The following ZC3H14 variants were observed in gnomAD, a reference collection of about 807,000 sequenced individuals.
The protein encoded by ZC3H14 is zinc finger CCCH domain-containing protein 14.
Under a neutral mutation model 92.4 loss-of-function variants are expected in ZC3H14, and 31 were observed. The observed-to-expected ratio is 0.34, with a 90% CI of 0.25 to 0.45. The LOEUF (loss-of-function observed/expected upper bound fraction) is 0.45, where lower values mean the gene tolerates loss of function less well. ZC3H14 is among the 20% of genes least tolerant of loss of function. ZC3H14 has a pLI of 1.00. For missense variants in ZC3H14, 781 were observed against 897.3 expected, an observed-to-expected ratio of 0.87 and a Z score of 1.66; for synonymous variants, 321 against 300.9, an observed-to-expected ratio of 1.07 and a Z score of -0.69.
chr14:88,579,766 C>T (rs2081645239), intron 9 of ZC3H14, among the ~76,000 whole-genome samples: 2 of 152,128 alleles, frequency 1.3e-5, no homozygotes, highest in South Asian at 4.2e-4. Context: ...AAGTCCTGTG[C>T]CGAATTAAAA....
At position 88,615,603 on chromosome 14, in the gene ZC3H14, T is replaced by C; in HGVS notation, c.*3852T>C. 2.1e-6 allele frequency: 1 copy of C among 484,144 alleles called. No individual in the cohort carries two copies. The allele number at this position is 484,144 out of a possible 1,614,324, so 30.0% of individuals were successfully genotyped here. On this transcript the variant is annotated 3_prime_UTR_variant, in exon 17 of 17. Coordinates refer to ENST00000251038, the MANE Select transcript of ZC3H14 (RefSeq NM_024824.5). The stretch of plus-strand genomic sequence containing the variant: ...TCAAGTATTCGATCCTTCCTTGAAA[T>C]GGCATTATCTGGCAGTGTATGGATT...
intron 9 of ZC3H14, among the ~76,000 whole-genome samples, chr14:88,595,300 C>T (rs2083662242): frequency 6.6e-6 from 1 of 152,168 alleles, no homozygotes; most frequent in East Asian, 1.9e-4. Flanking sequence ...AGAATTCCAT[C>T]CTCTTTAATG....
intron 13 of ZC3H14, 120 bp from the exon 14 acceptor site, chr14:88,609,144 TTGC>T (rs898522949): frequency 2.6e-5 from 30 of 1,145,748 alleles, no homozygotes; most frequent in Non-Finnish European, 3.7e-5. Flanking sequence ...ATTCTTTTTG[TTGC>T]TGTTTTTTTT....
intron 6 of ZC3H14, chr14:88,574,371 G>T (rs1043708373): frequency 3.0e-6 from 1 of 331,700 alleles, no homozygotes; most frequent in African/African-American, 2.2e-5. Flanking sequence ...TCAGCCTCCC[G>T]AGTAGCTCGG....
Position 88,574,705 on chromosome 14 carries a change from C to G in ZC3H14, c.874C>G (p.Arg292Gly), listed in dbSNP as rs764833850. 6.2e-6 allele frequency: 10 copies of G among 1,613,684 alleles called. No homozygotes were observed. Among genetic ancestry groups the G allele is most frequent in the Non-Finnish European group, 8.5e-6 (10 of 1,179,930 alleles). ...EKMSMEDENF[R>G]KRKLPVVSSV... Reference sequence around the variant, plus strand: ...TATCTGATTGCAGGATGAAAACTTTCGGAAGAGAAAGTTGCCTGTGGTAAG... The same window carrying G: ...TATCTGATTGCAGGATGAAAACTTTGGGAAGAGAAAGTTGCCTGTGGTAAG... The change falls in exon 7 of 17, where the codon CGG (arginine) becomes GGG (glycine). Residue 292 changes from arginine to glycine, a missense_variant. Transcript: ENST00000251038.
rs1491157868 is a variant in ZC3H14, at chr14:88,566,029, C to CCG, written c.80-2009_80-2008insGC. On this transcript the variant is annotated intron_variant, in intron 2 of 16. Transcript: ENST00000251038. Reference sequence around the variant, plus strand: ...ATTACAGGCACCTGCCACCACCCCGCCCCCCCCCCCCGGCTAATTTTTGTG... The same window carrying CCG: ...ATTACAGGCACCTGCCACCACCCCGCCGCCCCCCCCCCCGGCTAATTTTTGTG... Among the ~76,000 whole-genome samples, 66 of 16,582 alleles carry CCG rather than the reference C, an allele frequency of 4.0e-3. 22 individuals are homozygous for CCG. The highest frequency in any genetic ancestry group is 0.018 in the Non-Finnish European group (45 of 2,456). 10.9% of individuals were successfully genotyped at this position (16,582 alleles called of 152,430 possible). A position where few individuals can be genotyped will look rare whatever the true frequency, so the allele number is the denominator to read the frequency against.
chr14:88,620,815 C>G lies in ZC3H14; in HGVS notation c.*9064C>G. On this transcript the variant is annotated 3_prime_UTR_variant, in exon 17 of 17. Transcript: ENST00000251038. This position sits in a 1 kb window ranked among gnomAD's most constrained non-coding sequence, Gnocchi z 4.3. ...TTTCCCCATATTTTTAGAGAACTCA[C>G]TAGTAAAATGATAAATTCTCCATTT... 6.2e-7 allele frequency: 1 copy of G among 1,608,980 alleles called. No individual in the cohort carries two copies. Among genetic ancestry groups the G allele is most frequent in the Middle Eastern group, 1.7e-4 (1 of 6,044 alleles).
At chr14:88,605,790 C>T (rs2085302483) in intron 12 of ZC3H14, among the ~76,000 whole-genome samples, 1 of 152,196 alleles carries the variant, frequency 6.6e-6, no homozygotes, top group Admixed American at 6.5e-5. Flanking sequence ...ATGTGGGTCA[C>T]TGGAACAGTA....
chr14:88,582,520 G>A (rs2082018280), intron 9 of ZC3H14, among the ~76,000 whole-genome samples: 1 of 152,204 alleles, frequency 6.6e-6, no homozygotes, highest in African/African-American at 2.4e-5. Context: ...ACCTCTAGGC[G>A]TTAATATAAA....
chr14:88,582,209 A>C (rs1438749780), intron 9 of ZC3H14, among the ~76,000 whole-genome samples: 1 of 152,234 alleles, frequency 6.6e-6, no homozygotes, highest in Non-Finnish European at 1.5e-5. Context: ...TGCTTTTAAG[A>C]GTGAAAACCA....
rs33958046 is a variant in ZC3H14, at chr14:88,623,017, CTTTT to C, written c.*11279_*11282del. The C allele has an allele frequency of 2.0e-5, 3 of 150,554 alleles. No homozygotes were observed. The highest frequency in any genetic ancestry group is 2.8e-5 in the Non-Finnish European group (2 of 71,808). The allele number at this position is 150,554 out of a possible 1,614,324, so 9.3% of individuals were successfully genotyped here. On this transcript the variant is annotated 3_prime_UTR_variant, in exon 17 of 17. Coordinates refer to ENST00000251038, the MANE Select transcript of ZC3H14 (RefSeq NM_024824.5). ...CAATACATTATCCTCTCTCATAATACTTTTTTTTTTTTTTTTAAGATGTAGTCTC... is the reference window on the plus strand; with the variant it reads ...CAATACATTATCCTCTCTCATAATACTTTTTTTTTTTTAAGATGTAGTCTC...
At chr14:88,563,629 A>C in intron 1 of ZC3H14, 22 bp from the exon 2 acceptor site, 1 of 1,613,964 alleles carries the variant, frequency 6.2e-7, no homozygotes, top group Non-Finnish European at 8.5e-7. Context: ...TCTCACATGC[A>C]CGTTTGCTCT....
chr14:88,578,286 G>A (rs1350549905), intron 9 of ZC3H14, 146 bp downstream of exon 9: 1 of 1,263,418 alleles, frequency 7.9e-7, no homozygotes, highest in Admixed American at 2.5e-5. Flanking sequence ...CCATGAGGAA[G>A]GTTCATACCA....
In ZC3H14 at chr14:88,574,675, A is replaced by C; in HGVS notation, c.862-18A>C. Reference sequence around the variant, plus strand: ...TATTTTCTGAGATTAGGTAAGCATAAATTTTATCTGATTGCAGGATGAAAA... The same window carrying C: ...TATTTTCTGAGATTAGGTAAGCATACATTTTATCTGATTGCAGGATGAAAA... On this transcript the variant is annotated intron_variant, in intron 6 of 16. Transcript: ENST00000251038. 5 of 1,613,976 alleles carry C rather than the reference A, an allele frequency of 3.1e-6. No individual in the cohort carries two copies. Among genetic ancestry groups the C allele is most frequent in the Non-Finnish European group, 4.2e-6 (5 of 1,179,944 alleles).
At chr14:88,591,557 TG>T (rs1347512456) in intron 9 of ZC3H14, 1 of 152,214 alleles carries the variant, frequency 6.6e-6, no homozygotes, top group African/African-American at 2.4e-5. Flanking sequence ...TGTATATGCT[TG>T]ATACATTGTG....
Position 88,621,564 on chromosome 14 carries a change from T to C in ZC3H14, c.*9813T>C. On this transcript the variant is annotated 3_prime_UTR_variant, in exon 17 of 17. Coordinates refer to ENST00000251038, the MANE Select transcript of ZC3H14 (RefSeq NM_024824.5). ...GTGGCAGTACACCTGGATTCTTCAA[T>C]AATCAAAGTTTTTATTTGATAATCT... 2.1e-6 allele frequency: 1 copy of C among 485,294 alleles called. No individual in the cohort carries two copies. Among genetic ancestry groups the C allele is most frequent in the Non-Finnish European group, 3.6e-6 (1 of 274,924 alleles). The allele number at this position is 485,294 out of a possible 1,614,324, so 30.1% of individuals were successfully genotyped here. A position where few individuals can be genotyped will look rare whatever the true frequency, so the allele number is the denominator to read the frequency against.
In ZC3H14 at chr14:88,603,019, T is replaced by A; in HGVS notation, c.1706T>A (p.Leu569Gln). The change falls in exon 12 of 17, where the codon CTG becomes CAG. Residue 569 changes from leucine to glutamine, a missense_variant. Transcript: ENST00000251038. Reference protein sequence around the residue: ...GLLHPQQLHLLSRQLEDPNGS... With the variant: ...GLLHPQQLHLQSRQLEDPNGS... ...CTCCACCCACAGCAGTTGCACTTGC[T>A]GAGCAGGCAGCTTGAGGACCCAAAT... 2 of 1,614,198 alleles carry A rather than the reference T, an allele frequency of 1.2e-6. No homozygotes were observed. Among genetic ancestry groups the A allele is most frequent in the Non-Finnish European group, 1.7e-6 (2 of 1,180,034 alleles).
chr14:88,603,006 CA>C lies in ZC3H14; in HGVS notation c.1694del (p.Gln565ArgfsTer5). On this transcript the variant is annotated frameshift_variant, in exon 12 of 17. Coordinates refer to ENST00000251038, the MANE Select transcript of ZC3H14 (RefSeq NM_024824.5). LOFTEE classifies it high-confidence loss of function. Reference sequence around the variant, plus strand: ...ACTCAGAGGTCTCCTCCACCCACAGCAGTTGCACTTGCTGAGCAGGCAGCTT... The same window carrying C: ...ACTCAGAGGTCTCCTCCACCCACAGCGTTGCACTTGCTGAGCAGGCAGCTT... ...KGLRGLLHPQQLHLLSRQLED... is the reference protein window; with the variant it reads ...KGLRGLLHPQXLHLLSRQLED... The C allele has an allele frequency of 1.2e-6, 2 of 1,614,162 alleles. No homozygotes were observed. Among genetic ancestry groups the C allele is most frequent in the Non-Finnish European group, 1.7e-6 (2 of 1,180,038 alleles).
chr14:88,603,112 T>C (rs749274978), intron 12 of ZC3H14, 52 bp downstream of exon 12: 17 of 1,554,106 alleles, frequency 1.1e-5, no homozygotes, highest in Admixed American at 8.4e-5. Context: ...AGGGAATCTT[T>C]GACTTGTTTC....
Sources: allele counts gnomAD v4.1 joint callset (sites outside exome capture counted in the v4.1 genomes callset), GRCh38; gene constraint gnomAD v4.1.1; non-coding constraint Gnocchi (gnomAD v3.1); transcripts MANE v1.5; gene names NCBI Gene and HGNC (gene_info 2026-07-23, HGNC 2026-07-21).